Variants in SRGAP2 observed in about 807,000 individuals in gnomAD.
The protein encoded by SRGAP2 is SLIT-ROBO Rho GTPase activating protein 2.
In SRGAP2, 15 loss-of-function variants were observed where a neutral mutation model predicts 57.2. That is an observed-to-expected ratio of 0.26 (90% CI 0.18 to 0.40). The LOEUF (loss-of-function observed/expected upper bound fraction) is 0.40, where lower values mean the gene tolerates loss of function less well. Among genes scored for constraint, SRGAP2 ranks in the 10% least tolerant of loss-of-function variants. SRGAP2 has a pLI of 1.00. For missense variants in SRGAP2, 520 were observed against 669.6 expected (o/e 0.78, Z 2.47); for synonymous variants, 249 against 248.0 (o/e 1.00, Z -0.04).
intron 4 of SRGAP2, among the ~76,000 whole-genome samples, chr1:206,363,813 C>G (rs1309029700): frequency 6.6e-6 from 1 of 152,186 alleles, no homozygotes; most frequent in East Asian, 1.9e-4. Flanking sequence ...GAGGCACTTG[C>G]CGTTGATTTG....
At chr1:206,418,796 G>T (rs1164969969) in intron 11 of SRGAP2, among the ~76,000 whole-genome samples, 5 of 151,982 alleles carry the variant, frequency 3.3e-5, no homozygotes, top group African/African-American at 1.2e-4. Context: ...CCTAACAGGA[G>T]AATTTACTAT....
At chr1:206,327,626 A>G (rs1553330509) in intron 3 of SRGAP2, among the ~76,000 whole-genome samples, 1 of 121,610 alleles carries the variant, frequency 8.2e-6, no homozygotes, top group African/African-American at 3.6e-5. Context: ...TGTGTTAGGC[A>G]GGGCAGGTCT....
At chr1:206,213,032 A>G (rs1397741407) in intron 2 of SRGAP2, among the ~76,000 whole-genome samples, 2 of 151,630 alleles carry the variant, frequency 1.3e-5, no homozygotes, top group Non-Finnish European at 2.9e-5. Flanking sequence ...CTCTACTAAA[A>G]ATAAAAAAAT....
chr1:206,321,756 G>A (rs1160212558), intron 3 of SRGAP2, among the ~76,000 whole-genome samples: 1 of 150,252 alleles, frequency 6.7e-6, no homozygotes, highest in Non-Finnish European at 1.5e-5. Context: ...TTTGGCCAAT[G>A]GAGTCCCTTC....
chr1:206,372,951 CTTTCTTTTCTTTCCTTTCTTTCTTT>C (rs1368904744), intron 4 of SRGAP2, among the ~76,000 whole-genome samples: 381 of 11,316 alleles, frequency 0.034, 37 homozygotes, highest in Non-Finnish European at 0.038. Context: ...TTCTTTCTTT[CTTTCTTTTCTTTCCTTTCTTTCTTT>C]CTTTCTTTCT....
At chr1:206,355,708 T>C (rs1306521542) in intron 4 of SRGAP2, among the ~76,000 whole-genome samples, 1 of 152,180 alleles carries the variant, frequency 6.6e-6, no homozygotes. Context: ...GGCTTATGTC[T>C]GTAACCCCAG....
chr1:206,415,510 A>T (rs1237295377), intron 10 of SRGAP2, among the ~76,000 whole-genome samples: 1 of 152,144 alleles, frequency 6.6e-6, no homozygotes, highest in Non-Finnish European at 1.5e-5. Flanking sequence ...CCGAGGGGCC[A>T]GGGCAGGGTG....
intron 14 of SRGAP2, among the ~76,000 whole-genome samples, chr1:206,431,618 A>G (rs1661281709): frequency 6.6e-6 from 1 of 152,258 alleles, no homozygotes. Context: ...GTTGCTTATT[A>G]TATCCCAACA....
intron 15 of SRGAP2, chr1:206,437,636 G>T: frequency 4.2e-6 from 1 of 236,314 alleles, no homozygotes; most frequent in Non-Finnish European, 8.2e-6. Flanking sequence ...CCCCGCAGGG[G>T]CTCAGTCCCA....
chr1:206,345,753 C>T (rs1239573951), intron 4 of SRGAP2, among the ~76,000 whole-genome samples: 1 of 152,058 alleles, frequency 6.6e-6, no homozygotes, highest in Non-Finnish European at 1.5e-5. Context: ...GATCATGCCA[C>T]TGCACTCCAG....
At chr1:206,348,124 T>C (rs1195206986) in intron 4 of SRGAP2, among the ~76,000 whole-genome samples, 11 of 147,278 alleles carry the variant, frequency 7.5e-5, no homozygotes, top group Non-Finnish European at 1.3e-4. Context: ...TATTTTACAT[T>C]TTGCATGAAG....
chr1:206,443,960 C>A (rs1258554090), intron 17 of SRGAP2, among the ~76,000 whole-genome samples: 3 of 152,030 alleles, frequency 2.0e-5, no homozygotes, highest in African/African-American at 7.2e-5. Context: ...GTGGCCAAGG[C>A]GGGTGGATCA....
intron 5 of SRGAP2, among the ~76,000 whole-genome samples, chr1:206,385,858 C>T (rs1656189906): frequency 6.6e-6 from 1 of 152,120 alleles, no homozygotes; most frequent in African/African-American, 2.4e-5. Flanking sequence ...CATTGATGTT[C>T]AAACTGAGAA....
In SRGAP2 at chr1:206,450,531, T is replaced by C; in HGVS notation, c.2179+66T>C. 5.4e-6 allele frequency: 4 copies of C among 747,434 alleles called. No individual in the cohort carries two copies. The South Asian group carries it at 5.6e-5, about 11-fold the overall frequency. 46.3% of individuals were successfully genotyped at this position (747,434 alleles called of 1,614,324 possible). Reference sequence around the variant, plus strand: ...TGAGGCAGAAGGAAGTGATTATATATCCTGTGCATCTGATGAACCTGTCTG... The same window carrying C: ...TGAGGCAGAAGGAAGTGATTATATACCCTGTGCATCTGATGAACCTGTCTG... On this transcript the variant is annotated intron_variant, in intron 19 of 22. Coordinates refer to ENST00000573034, the MANE Select transcript of SRGAP2 (RefSeq NM_015326.5).
chr1:206,231,594 A>C (rs1279402318), intron 2 of SRGAP2, among the ~76,000 whole-genome samples: 2 of 149,148 alleles, frequency 1.3e-5, no homozygotes, highest in Admixed American at 1.3e-4. Context: ...CTGGAGTGCA[A>C]TGGCGTGATC....
intron 14 of SRGAP2, among the ~76,000 whole-genome samples, chr1:206,433,533 C>T (rs912800542): frequency 2.0e-5 from 3 of 151,422 alleles, no homozygotes; most frequent in Admixed American, 1.3e-4. Context: ...CCCATCTACT[C>T]GGGAGGCTGA....
At position 206,278,383 on chromosome 1, in the gene SRGAP2, C is replaced by A. The variant is rs1350422707; in HGVS notation, c.68-24898C>A. On this transcript the variant is annotated intron_variant, in intron 2 of 22. Transcript: ENST00000573034. The stretch of plus-strand genomic sequence containing the variant: ...TTTTAAAGAGACAAGGTCTCTCTCT[C>A]TCTTGCCCAGGTTGGAGTGCAGTGG... 5.2e-5 allele frequency among the ~76,000 whole-genome samples: 7 copies of A among 135,430 alleles called. No individual in the cohort carries two copies. The East Asian group carries it at 1.5e-3, about 29-fold the overall frequency. The allele number at this position is 135,430 out of a possible 152,430, so 88.8% of individuals were successfully genotyped here.
intron 7 of SRGAP2, among the ~76,000 whole-genome samples, chr1:206,397,101 A>G (rs199865558): frequency 6.6e-6 from 1 of 151,572 alleles, no homozygotes; most frequent in Non-Finnish European, 1.5e-5. Flanking sequence ...TTCCCAGCCA[A>G]TCCCCCACCC....
chr1:206,355,360 G>GA (rs1265002029), intron 4 of SRGAP2, among the ~76,000 whole-genome samples: 1 of 152,014 alleles, frequency 6.6e-6, no homozygotes, highest in African/African-American at 2.4e-5. Context: ...AAGTGACTTA[G>GA]AATGCATAAT....
Sources: gnomAD v4.1 joint callset for allele counts (sites outside exome capture counted in the v4.1 genomes callset) on GRCh38, gnomAD v4.1.1 for gene constraint, MANE v1.5 for transcripts, NCBI Gene and HGNC (gene_info 2026-07-23, HGNC 2026-07-21) for gene names.